The following HTRA3 variants were observed in gnomAD, a reference collection of about 807,000 sequenced individuals.
HTRA3 encodes the protein serine protease HTRA3.
HTRA3 carries 41 observed loss-of-function variants against 43.2 expected under a neutral mutation model. The observed-to-expected ratio is 0.95, with a 90% CI of 0.74 to 1.23. The LOEUF (loss-of-function observed/expected upper bound fraction) is 1.23, where lower values mean the gene tolerates loss of function less well. Among genes scored for constraint, HTRA3 ranks in the 50% most tolerant of loss-of-function variants. The pLI is 0.00. For synonymous variants in HTRA3, 295 were observed against 287.9 expected (o/e 1.02, Z -0.25); for missense variants, 628 against 647.1 (o/e 0.97, Z 0.32).
intron 2 of HTRA3, 113 bp downstream of exon 2, chr4:8,282,649 T>C: frequency 1.2e-6 from 1 of 809,430 alleles, no homozygotes; most frequent in Non-Finnish European, 2.0e-6. Context: ...GAAACTGGAG[T>C]GGCCTGGGGT....
intron 1 of HTRA3, among the ~76,000 whole-genome samples, chr4:8,281,373 G>C (rs1303648830): frequency 6.6e-6 from 1 of 152,228 alleles, no homozygotes; most frequent in Non-Finnish European, 1.5e-5. Flanking sequence ...TGCCAAGGTG[G>C]CTGGGTGGGT....
chr4:8,274,569 A>C (rs1023608439), intron 1 of HTRA3, among the ~76,000 whole-genome samples: 3 of 152,204 alleles, frequency 2.0e-5, no homozygotes, highest in South Asian at 4.1e-4. Flanking sequence ...CCCTTCTTGC[A>C]TCCCTCCAGT....
At chr4:8,281,302 A>G (rs1712734150) in intron 1 of HTRA3, among the ~76,000 whole-genome samples, 1 of 152,190 alleles carries the variant, frequency 6.6e-6, no homozygotes, top group Non-Finnish European at 1.5e-5. Flanking sequence ...AGATCAAGAG[A>G]AATGTGGGCT....
chr4:8,306,031 G>C lies in HTRA3; in HGVS notation c.1257G>C (p.Ser419=). ...VKVNGRPLVD[S]SELQEAVLTE... ...TCAACGGGCGTCCTCTAGTGGACTC[G>C]AGTGAGCTGCAGGAGGCCGTGCTGA... Residue 419 remains serine (S), a synonymous_variant, in exon 9 of 9, where the codon TCG becomes TCC. Coordinates refer to ENST00000307358, the MANE Select transcript of HTRA3 (RefSeq NM_053044.5). This position sits in a 1 kb window ranked among gnomAD's most constrained non-coding sequence, Gnocchi z 8.9. The C allele has an allele frequency of 3.7e-6, 6 of 1,612,890 alleles. No individual in the cohort carries two copies. Among genetic ancestry groups the C allele is most frequent in the Non-Finnish European group, 4.2e-6 (5 of 1,179,746 alleles).
chr4:8,278,032 C>A (rs1396076519), intron 1 of HTRA3, among the ~76,000 whole-genome samples: 4 of 152,190 alleles, frequency 2.6e-5, no homozygotes, highest in African/African-American at 9.7e-5. Context: ...GGGAAGCTGG[C>A]CACTCTGATA....
rs1713448213 is a variant in HTRA3 at position 8,296,213 on chromosome 4, G to A, written c.1051+2012G>A. 1.0e-6 allele frequency: 1 copy of A among 985,894 alleles called. No homozygotes were observed. Among genetic ancestry groups the A allele is most frequent in the Non-Finnish European group, 1.2e-6 (1 of 830,266 alleles). The allele number at this position is 985,894 out of a possible 1,614,324, so 61.1% of individuals were successfully genotyped here. On this transcript the variant is annotated intron_variant, in intron 6 of 8. Coordinates refer to ENST00000307358, the MANE Select transcript of HTRA3 (RefSeq NM_053044.5). The surrounding 1 kb of genome is among the most constrained non-coding windows in gnomAD (Gnocchi z 5.3). ...CCCTTCTTGCCTCTCTCTTTCTCCT[G>A]AGACAGGATCCCCCTGGGGCCTAGG...
At chr4:8,289,808 C>T (rs971808779) in intron 3 of HTRA3, among the ~76,000 whole-genome samples, 8 of 151,044 alleles carry the variant, frequency 5.3e-5, no homozygotes, top group Non-Finnish European at 1.0e-4. Flanking sequence ...TCCTTGGGTG[C>T]AGGGAGGATG....
At position 8,270,363 on chromosome 4, in the gene HTRA3, C is replaced by T; in HGVS notation, c.385+10C>T. The stretch of plus-strand genomic sequence containing the variant: ...GGCGCCTGCCCGTTGGGTAAGCGCT[C>T]GGGGGCCAGGGAGGAAGTGAAGCTT... On this transcript the variant is annotated intron_variant, in intron 1 of 8. Coordinates refer to ENST00000307358, the MANE Select transcript of HTRA3 (RefSeq NM_053044.5). 4.3e-6 allele frequency: 6 copies of T among 1,394,796 alleles called. No individual in the cohort carries two copies. Among genetic ancestry groups the T allele is most frequent in the Non-Finnish European group, 4.6e-6 (5 of 1,080,634 alleles). 86.4% of individuals were successfully genotyped at this position (1,394,796 alleles called of 1,614,324 possible). A position where few individuals can be genotyped will look rare whatever the true frequency, so the allele number is the denominator to read the frequency against.
chr4:8,282,311 G>C, intron 1 of HTRA3, 126 bp from the exon 2 acceptor site: 3 of 735,342 alleles, frequency 4.1e-6, no homozygotes, highest in South Asian at 1.7e-5. Flanking sequence ...TGTGGGCTGA[G>C]GCTGGCTCTG....
intron 3 of HTRA3, among the ~76,000 whole-genome samples, chr4:8,289,707 G>T (rs13140502): frequency 0.2 from 29,830 of 152,106 alleles, 3,108 homozygotes; most frequent in South Asian, 0.36. Flanking sequence ...ATCGAGCCAT[G>T]GGAAAGGCTC....
At chr4:8,274,812 G>A (rs566509474) in intron 1 of HTRA3, among the ~76,000 whole-genome samples, 4 of 152,320 alleles carry the variant, frequency 2.6e-5, no homozygotes, top group Admixed American at 6.5e-5. Context: ...CCTGCCATGC[G>A]CTCAGAATGT....
At chr4:8,276,766 G>C (rs1002447578) in intron 1 of HTRA3, among the ~76,000 whole-genome samples, 1 of 152,248 alleles carries the variant, frequency 6.6e-6, no homozygotes, top group East Asian at 1.9e-4. Flanking sequence ...TCTAGGTTGA[G>C]CTTTTCTGGG....
Position 8,304,204 on chromosome 4 carries a change from C to G in HTRA3, c.1121C>G (p.Ala374Gly), listed in dbSNP as rs2153007440. The G allele has an allele frequency of 6.2e-7, 1 of 1,614,092 alleles. No individual in the cohort carries two copies. The highest frequency in any genetic ancestry group is 8.5e-7 in the Non-Finnish European group (1 of 1,179,984). Residue 374 changes from alanine (A) to glycine (G), a missense_variant, in exon 8 of 9, where the codon GCC becomes GGC. Transcript: ENST00000307358. ...TCCAGCCTGGTGGATGAGCTGAAGG[C>G]CAGCAACCCGGACTTCCCAGAGGTC... is the stretch of plus-strand genomic sequence containing the variant. ...ITPSLVDELK[A>G]SNPDFPEVSS...
rs904374282 is a variant in HTRA3, at chr4:8,269,937, C to G, written c.-32C>G. ...TCCCCGCCGGCCCCCGCCCGGTCTCCCGCGCTGCCACCCGCCGCCGGCCCT... is the reference window on the plus strand; with the variant it reads ...TCCCCGCCGGCCCCCGCCCGGTCTCGCGCGCTGCCACCCGCCGCCGGCCCT... On this transcript the variant is annotated 5_prime_UTR_variant, in exon 1 of 9. Transcript: ENST00000307358. 5.8e-6 allele frequency: 6 copies of G among 1,037,386 alleles called. No individual in the cohort carries two copies. In the African/African-American group the frequency reaches 1.0e-4, roughly 18 times the overall value. The allele number at this position is 1,037,386 out of a possible 1,614,324, so 64.3% of individuals were successfully genotyped here.
At chr4:8,294,605 C>T (rs1195086545) in intron 6 of HTRA3, among the ~76,000 whole-genome samples, 3 of 50 alleles carry the variant, frequency 0.06, no homozygotes, top group Non-Finnish European at 0.083. Context: ...TCCATCCATC[C>T]ATCCATCCAT....
Position 8,270,067 on chromosome 4 carries a change from G to C in HTRA3, c.99G>C (p.Arg33=), listed in dbSNP as rs201802141. 6,404 of 1,500,414 alleles carry C rather than the reference G, an allele frequency of 4.3e-3. 11 individuals are homozygous for C. Among genetic ancestry groups the C allele is most frequent in the Non-Finnish European group, 5.1e-3 (5,831 of 1,134,588 alleles). 92.9% of individuals were successfully genotyped at this position (1,500,414 alleles called of 1,614,324 possible). ...GTCCCGCGCGCTGCGACGTGTCGCG[G>C]TGTCCCAGCCCCCGCTGCCCCGGCG... ...APCPARCDVS[R]CPSPRCPGGY... Residue 33 remains arginine, a synonymous_variant, in exon 1 of 9, where the codon CGG becomes CGC. Coordinates refer to ENST00000307358, the MANE Select transcript of HTRA3 (RefSeq NM_053044.5).
chr4:8,293,476 G>A (rs1352369073), intron 5 of HTRA3, among the ~76,000 whole-genome samples: 5 of 152,184 alleles, frequency 3.3e-5, no homozygotes, highest in African/African-American at 1.2e-4. Flanking sequence ...AGCTGGCCAG[G>A]CCCTGACAGG....
At chr4:8,277,381 A>G (rs1467949807) in intron 1 of HTRA3, among the ~76,000 whole-genome samples, 1 of 152,142 alleles carries the variant, frequency 6.6e-6, no homozygotes, top group Non-Finnish European at 1.5e-5. Context: ...TCGCTCCCTC[A>G]TTTGCTTCCT....
chr4:8,270,323 C>T lies in HTRA3; in HGVS notation c.355C>T (p.Arg119Cys). ...RALQLSGTPVRQLQKGACPLG... is the reference protein window; with the variant it reads ...RALQLSGTPVCQLQKGACPLG... ...GCTGCAGCTCTCCGGGACGCCCGTGCGCCAGCTGCAGAAGGGCGCCTGCCC... is the reference window on the plus strand; with the variant it reads ...GCTGCAGCTCTCCGGGACGCCCGTGTGCCAGCTGCAGAAGGGCGCCTGCCC... The change falls in exon 1 of 9, where the codon CGC (arginine) becomes TGC (cysteine). Residue 119 changes from arginine to cysteine, a missense_variant. Arg to Cys is a radical substitution (Grantham distance 180). Transcript: ENST00000307358. 3.4e-6 allele frequency: 5 copies of T among 1,449,574 alleles called. No individual in the cohort carries two copies. Among genetic ancestry groups the T allele is most frequent in the Non-Finnish European group, 4.5e-6 (5 of 1,108,666 alleles). The allele number at this position is 1,449,574 out of a possible 1,614,324, so 89.8% of individuals were successfully genotyped here.
Sources: allele counts gnomAD v4.1 joint callset (sites outside exome capture counted in the v4.1 genomes callset), GRCh38; gene constraint gnomAD v4.1.1; non-coding constraint Gnocchi (gnomAD v3.1); transcripts MANE v1.5; gene names NCBI Gene and HGNC (gene_info 2026-07-23, HGNC 2026-07-21).